CKAP5: variants seen among roughly 807,000 people sequenced by gnomAD.
CKAP5 encodes the protein cytoskeleton associated protein 5.
In CKAP5, 27 loss-of-function variants were observed where a neutral mutation model predicts 232.8. That is an observed-to-expected ratio of 0.12 (90% CI 0.09 to 0.16). The LOEUF (loss-of-function observed/expected upper bound fraction) is 0.16. Among genes scored for constraint, CKAP5 ranks in the 10% least tolerant of loss-of-function variants. CKAP5 has a pLI of 1.00. For missense variants in CKAP5, 1,838 were observed against 2,424.7 expected (o/e 0.76, Z 5.08); for synonymous variants, 785 against 841.1 (o/e 0.93, Z 1.16).
At chr11:46,748,677 G>A (rs2065039972) in intron 42 of CKAP5, among the ~76,000 whole-genome samples, 1 of 152,008 alleles carries the variant, frequency 6.6e-6, no homozygotes, top group Admixed American at 6.5e-5. Flanking sequence ...GCTGAGGCAG[G>A]AGAATTGCTT....
At chr11:46,792,109 T>C (rs1197584096) in intron 13 of CKAP5, among the ~76,000 whole-genome samples, 2 of 152,200 alleles carry the variant, frequency 1.3e-5, no homozygotes, top group Non-Finnish European at 2.9e-5. Context: ...ACCCTAAAAA[T>C]GGAAAATTCT....
At chr11:46,767,494 T>G (rs1399415708) in intron 27 of CKAP5, 81 bp downstream of exon 27, 6 of 847,518 alleles carry the variant, frequency 7.1e-6, no homozygotes, top group Non-Finnish European at 1.1e-5. Flanking sequence ...ATATATAATA[T>G]GATCCTTCCT....
intron 36 of CKAP5, among the ~76,000 whole-genome samples, chr11:46,754,198 C>T (rs1347188049): frequency 2.6e-5 from 4 of 152,094 alleles, no homozygotes; most frequent in Non-Finnish European, 1.5e-5. Context: ...GGGGTTTCAC[C>T]ATCTTGGCCA....
Position 46,767,603 on chromosome 11 carries a change from T to C in CKAP5, c.3383A>G (p.Lys1128Arg), listed in dbSNP as rs780295100. The C allele has an allele frequency of 6.4e-5, 104 of 1,612,550 alleles. No individual in the cohort carries two copies. The highest frequency in any genetic ancestry group is 8.5e-5 in the Non-Finnish European group (100 of 1,179,088). The change falls in exon 27 of 44, where the codon AAA becomes AGA. Residue 1128 changes from lysine (K) to arginine (R), a missense_variant. Coordinates refer to ENST00000529230, the MANE Select transcript of CKAP5 (RefSeq NM_001008938.4). Reference sequence around the variant, plus strand: ...TGCTTTAGAGGATAATCCTGGAGCTTTGGCCTTTTTTGGATCAGGTTTGGG... The same window carrying C: ...TGCTTTAGAGGATAATCCTGGAGCTCTGGCCTTTTTTGGATCAGGTTTGGG... ...TEPKPDPKKA[K>R]APGLSSKAKS...
At chr11:46,790,651 T>A in intron 13 of CKAP5, 68 bp from the exon 14 acceptor site, 1 of 1,144,898 alleles carries the variant, frequency 8.7e-7, no homozygotes, top group African/African-American at 1.6e-5. Context: ...TTTTTATTTT[T>A]ATTTTTTTTG....
chr11:46,797,660 T>C (rs1215992327), intron 11 of CKAP5, 145 bp downstream of exon 11: 1 of 722,670 alleles, frequency 1.4e-6, no homozygotes, highest in African/African-American at 1.8e-5. Flanking sequence ...GAATTTGGAT[T>C]CAGTTTCCAA....
intron 13 of CKAP5, among the ~76,000 whole-genome samples, chr11:46,792,287 T>C (rs1423648290): frequency 6.6e-6 from 1 of 152,156 alleles, no homozygotes; most frequent in Non-Finnish European, 1.5e-5. Flanking sequence ...GCATGGTGGC[T>C]CATGCCTGTA....
chr11:46,747,389 G>A (rs916902203), intron 42 of CKAP5, among the ~76,000 whole-genome samples: 1 of 151,932 alleles, frequency 6.6e-6, no homozygotes, highest in Non-Finnish European at 1.5e-5. Flanking sequence ...ATCAACTGAG[G>A]TCAGGAGTTG....
chr11:46,765,407 A>G (rs2065194226), intron 27 of CKAP5, 151 bp from the exon 28 acceptor site: 2 of 704,190 alleles, frequency 2.8e-6, no homozygotes, highest in Non-Finnish European at 4.3e-6. Context: ...AGAATCTTGT[A>G]TATGTTTTTG....
chr11:46,777,644 G>A, intron 22 of CKAP5, 92 bp from the exon 23 acceptor site: 2 of 761,780 alleles, frequency 2.6e-6, no homozygotes, highest in Non-Finnish European at 4.5e-6. Context: ...CAATACAGCA[G>A]GAGATTTTTG....
At chr11:46,811,238 G>T in intron 4 of CKAP5, 60 bp from the exon 5 acceptor site, 4 of 1,355,670 alleles carry the variant, frequency 3.0e-6, no homozygotes, top group Non-Finnish European at 4.1e-6. Context: ...TAAAGCATTA[G>T]CTTTTCTTCA....
rs376068041 is a variant in CKAP5, at chr11:46,827,473, T to C, written c.-37-6205A>G. ...AGTGAGACCCCATCTCTACAAAAAA[T>C]AAAAAATTAGCTGGGCATGGTGGTA... On this transcript the variant is annotated intron_variant, in intron 1 of 43. Coordinates refer to ENST00000529230, the MANE Select transcript of CKAP5 (RefSeq NM_001008938.4). Among the ~76,000 whole-genome samples, 13 of 151,762 alleles carry C rather than the reference T, an allele frequency of 8.6e-5. No individual in the cohort carries two copies. The East Asian group carries it at 9.7e-4, about 11-fold the overall frequency.
intron 33 of CKAP5, 115 bp downstream of exon 33, chr11:46,760,497 T>A (rs2065144987): frequency 1.0e-6 from 1 of 961,180 alleles, no homozygotes; most frequent in Non-Finnish European, 1.6e-6. Flanking sequence ...ACCCAGACAC[T>A]CTGTCATGCA....
At chr11:46,801,165 T>C (rs1468927917) in intron 9 of CKAP5, 35 bp downstream of exon 9, 5 of 1,475,170 alleles carry the variant, frequency 3.4e-6, no homozygotes, top group Middle Eastern at 1.7e-4. Context: ...TTGATAAATT[T>C]TGTTGATCTG....
At chr11:46,762,864 G>A (rs2065167477) in intron 30 of CKAP5, 102 bp from the exon 31 acceptor site, 2 of 1,441,542 alleles carry the variant, frequency 1.4e-6, no homozygotes, top group Non-Finnish European at 1.9e-6. Flanking sequence ...ATAGGGATAA[G>A]TAGGGAAGGT....
chr11:46,841,552 T>A (rs897840292), intron 1 of CKAP5, among the ~76,000 whole-genome samples: 4 of 152,310 alleles, frequency 2.6e-5, no homozygotes, highest in Admixed American at 6.5e-5. Context: ...GAACTTTGAT[T>A]CTTAGGTGGC....
intron 5 of CKAP5, among the ~76,000 whole-genome samples, chr11:46,810,608 C>A (rs61897307): frequency 0.076 from 11,563 of 152,006 alleles, 507 homozygotes; most frequent in Non-Finnish European, 0.1. Flanking sequence ...ACTGCACCAG[C>A]GGAAGAAAAT....
chr11:46,780,360 T>C lies in CKAP5; in HGVS notation c.2308-41A>G, dbSNP rs755981070. The C allele has an allele frequency of 2.5e-5, 40 of 1,613,624 alleles. No homozygotes were observed. In the Admixed American group the frequency reaches 6.5e-4, roughly 26 times the overall value. The stretch of plus-strand genomic sequence containing the variant: ...AAAATAACTTTTTAAATCACAAAGA[T>C]GGCAATAATAACTTTTTAAATCCAC... On this transcript the variant is annotated intron_variant, in intron 19 of 43. Coordinates refer to ENST00000529230, the MANE Select transcript of CKAP5 (RefSeq NM_001008938.4).
At chr11:46,842,293 T>C (rs1215487967) in intron 1 of CKAP5, among the ~76,000 whole-genome samples, 1 of 152,212 alleles carries the variant, frequency 6.6e-6, no homozygotes, top group Non-Finnish European at 1.5e-5. Flanking sequence ...TTTCACTTTG[T>C]ACATTAGTAT....
Sources: allele counts gnomAD v4.1 joint callset (sites outside exome capture counted in the v4.1 genomes callset), GRCh38; gene constraint gnomAD v4.1.1; transcripts MANE v1.5; gene names NCBI Gene and HGNC (gene_info 2026-07-23, HGNC 2026-07-21).